RNF213: variants seen among roughly 807,000 people sequenced by gnomAD.
RNF213 encodes the protein E3 ubiquitin-protein ligase RNF213.
In RNF213, 341 loss-of-function variants were observed where a neutral mutation model predicts 514.4. The observed-to-expected ratio is 0.66, with a 90% CI of 0.61 to 0.73. The LOEUF (loss-of-function observed/expected upper bound fraction) is 0.73. Among genes scored for constraint, RNF213 ranks in the 30% least tolerant of loss-of-function variants. The pLI is 0.00. For synonymous variants in RNF213, 2,655 were observed against 2,658.2 expected (o/e 1.00, Z 0.04); for missense variants, 5,767 against 6,615.6 (o/e 0.87, Z 4.45).
In RNF213 at chr17:80,288,159, G is replaced by A. The variant is rs1301539852; in HGVS notation, c.606G>A (p.Gly202=). Residue 202 remains glycine, a synonymous_variant, in exon 4 of 68, where the codon GGG becomes GGA. Transcript: ENST00000582970. This position sits in a 1 kb window ranked among gnomAD's most constrained non-coding sequence, Gnocchi z 4.9. The part of the protein sequence containing the change: ...SSPQFQDHTE[G]EDQDASIPSG... Reference sequence around the variant, plus strand: ...CGCAATTCCAGGACCACACGGAAGGGGAGGACCAGGACGCTTCCATCCCCT... The same window carrying A: ...CGCAATTCCAGGACCACACGGAAGGAGAGGACCAGGACGCTTCCATCCCCT... The A allele has an allele frequency of 6.2e-7, 1 of 1,611,102 alleles. No individual in the cohort carries two copies.
chr17:80,353,147 G>A lies in RNF213; in HGVS notation c.10423+88G>A. ...GCGTGGCGTGCACATGGCACTAGGAGCAGGGCCACCGTGTTTCGTCCCTCG... is the reference window on the plus strand; with the variant it reads ...GCGTGGCGTGCACATGGCACTAGGAACAGGGCCACCGTGTTTCGTCCCTCG... On this transcript the variant is annotated intron_variant, in intron 33 of 67. Coordinates refer to ENST00000582970, the MANE Select transcript of RNF213 (RefSeq NM_001256071.3). The surrounding 1 kb of genome is among the most constrained non-coding windows in gnomAD (Gnocchi z 5.0). The A allele has an allele frequency of 6.4e-7, 1 of 1,556,348 alleles. No individual in the cohort carries two copies. The highest frequency in any genetic ancestry group is 8.8e-7 in the Non-Finnish European group (1 of 1,140,574).
intron 11 of RNF213, among the ~76,000 whole-genome samples, chr17:80,299,534 G>GTTA (rs367665359): frequency 6.7e-6 from 1 of 149,864 alleles, no homozygotes; most frequent in African/African-American, 2.5e-5. Context: ...ACCAGAGAAA[G>GTTA]TTTATTTATT....
chr17:80,363,850 C>T, intron 41 of RNF213, 60 bp downstream of exon 41: 1 of 1,520,200 alleles, frequency 6.6e-7, no homozygotes, highest in East Asian at 2.3e-5. Flanking sequence ...AGGAGCCTGC[C>T]AAGTGCCAGG....
intron 13 of RNF213, among the ~76,000 whole-genome samples, chr17:80,308,411 C>T (rs1246831814): frequency 6.6e-6 from 1 of 151,924 alleles, no homozygotes; most frequent in Non-Finnish European, 1.5e-5. Flanking sequence ...TCCTGAGTCC[C>T]CTCCTGAGTC....
chr17:80,312,972 C>T, intron 14 of RNF213, 40 bp from the exon 15 acceptor site: 2 of 1,612,760 alleles, frequency 1.2e-6, no homozygotes, highest in South Asian at 1.1e-5. Context: ...CCTGAGTCCA[C>T]AGCCGAGGAT....
intron 21 of RNF213, 34 bp from the exon 22 acceptor site, chr17:80,334,071 G>A: frequency 6.5e-7 from 1 of 1,536,824 alleles, no homozygotes; most frequent in Non-Finnish European, 8.7e-7. Flanking sequence ...TCTGGTTAAT[G>A]AGTTCCAGTC....
intron 6 of RNF213, 146 bp from the exon 7 acceptor site, chr17:80,290,424 A>C (rs1453634824): frequency 2.4e-5 from 21 of 887,824 alleles, no homozygotes; most frequent in Non-Finnish European, 3.4e-5. Context: ...CGTGTGTGCG[A>C]GTGTGCGCGT....
chr17:80,358,158 C>T (rs918775533), intron 36 of RNF213, 130 bp from the exon 37 acceptor site: 26 of 708,748 alleles, frequency 3.7e-5, no homozygotes, highest in Middle Eastern at 3.8e-4. Context: ...TTATTGCTGT[C>T]GCTGTAGTGT....
intron 49 of RNF213, among the ~76,000 whole-genome samples, chr17:80,374,024 A>G (rs911993200): frequency 1.3e-4 from 20 of 151,254 alleles, no homozygotes; most frequent in Middle Eastern, 6.9e-3. Context: ...AAAAAAAAAA[A>G]GAGGCTTCAA....
At chr17:80,322,142 T>C in intron 17 of RNF213, among the ~76,000 whole-genome samples, 7 of 130,464 alleles carry the variant, frequency 5.4e-5, no homozygotes, top group Non-Finnish European at 6.4e-5. Flanking sequence ...ATTTTGCCCC[T>C]CATCCCCCCC....
At chr17:80,282,436 T>C (rs920270200) in intron 3 of RNF213, among the ~76,000 whole-genome samples, 1 of 152,216 alleles carries the variant, frequency 6.6e-6, no homozygotes, top group Non-Finnish European at 1.5e-5. Flanking sequence ...TCTCACTCTG[T>C]CGCCCAGGCC....
intron 10 of RNF213, among the ~76,000 whole-genome samples, chr17:80,297,612 C>G (rs1295123985): frequency 6.6e-6 from 1 of 151,056 alleles, no homozygotes; most frequent in Non-Finnish European, 1.5e-5. Context: ...ACAGTGAAAC[C>G]CTGTCTCTAC....
Position 80,367,780 on chromosome 17 carries a change from C to T in RNF213, c.11904C>T (p.His3968=), listed in dbSNP as rs368985577. Residue 3968 remains histidine, a synonymous_variant, in exon 43 of 68, where the codon CAC becomes CAT. Transcript: ENST00000582970. ...GAGAGAACTCTGACGTGAAGACGCA[C>T]GGGCCTTTTGAGGCCGTGATGCGCA... is the stretch of plus-strand genomic sequence containing the variant. ...CLRENSDVKT[H]GPFEAVMRTL... is the part of the protein sequence containing the mutation. 34 of 1,614,200 alleles carry T rather than the reference C, an allele frequency of 2.1e-5. No individual in the cohort carries two copies. In the African/African-American group the frequency reaches 2.3e-4, roughly 11 times the overall value.
chr17:80,391,551 C>T (rs970843570), intron 67 of RNF213, among the ~76,000 whole-genome samples: 12 of 152,014 alleles, frequency 7.9e-5, no homozygotes, highest in Non-Finnish European at 1.8e-4. Context: ...TAAATTACCT[C>T]TTCGTATCTT....
chr17:80,292,208 C>A (rs779045644), intron 8 of RNF213, among the ~76,000 whole-genome samples: 1 of 152,100 alleles, frequency 6.6e-6, no homozygotes, highest in Non-Finnish European at 1.5e-5. Flanking sequence ...TCTCAGCCTC[C>A]CGAGTAGCTG....
intron 48 of RNF213, 38 bp from the exon 49 acceptor site, chr17:80,372,937 T>G: frequency 6.3e-7 from 1 of 1,596,550 alleles, no homozygotes; most frequent in Non-Finnish European, 8.5e-7. Flanking sequence ...ATGCCCTAAG[T>G]CACCAGCCAC....
intron 20 of RNF213, among the ~76,000 whole-genome samples, chr17:80,331,390 CTTTT>C (rs35912728): frequency 7.3e-6 from 1 of 136,346 alleles, no homozygotes; most frequent in Non-Finnish European, 1.6e-5. Context: ...CAGTTTATGA[CTTTT>C]TTTTTTTTTT....
At position 80,328,480 on chromosome 17, in the gene RNF213, G is replaced by A; in HGVS notation, c.3517+3G>A. The A allele has an allele frequency of 6.5e-7, 1 of 1,537,186 alleles. No individual in the cohort carries two copies. The highest frequency in any genetic ancestry group is 1.2e-5 in the South Asian group (1 of 84,030). ...GAACGTGAAACATCTGATACAAGGT[G>A]GTATTCCTGAGAAGTGAACAAAGTT... On this transcript the variant is annotated splice_donor_region_variant and intron_variant, in intron 20 of 67. Coordinates refer to ENST00000582970, the MANE Select transcript of RNF213 (RefSeq NM_001256071.3).
chr17:80,333,694 CAA>C (rs1186047325), intron 21 of RNF213: 6 of 145,686 alleles, frequency 4.1e-5, no homozygotes, highest in South Asian at 1.5e-4. Context: ...ACTCTTATCT[CAA>C]AAAAAAAAAC....
Sources: allele counts gnomAD v4.1 joint callset (sites outside exome capture counted in the v4.1 genomes callset), GRCh38; gene constraint gnomAD v4.1.1; non-coding constraint Gnocchi (gnomAD v3.1); transcripts MANE v1.5; gene names NCBI Gene and HGNC (gene_info 2026-07-23, HGNC 2026-07-21).